Variants in POU6F2 observed in about 807,000 individuals in gnomAD.
The protein encoded by POU6F2 is POU class 6 homeobox 2.
In POU6F2, 31 loss-of-function variants were observed where a neutral mutation model predicts 71.3. The ratio of observed to expected loss-of-function variants is 0.43; its 90% CI spans 0.33 to 0.59. The LOEUF is 0.59. Among genes scored for constraint, POU6F2 ranks in the 20% least tolerant of loss-of-function variants. POU6F2 has a pLI of 0.04. For missense variants in POU6F2, 783 were observed against 856.8 expected, an observed-to-expected ratio of 0.91 and a Z score of 1.07; for synonymous variants, 347 against 355.7, an observed-to-expected ratio of 0.98 and a Z score of 0.27.
chr7:39,001,773 T>C (rs1276659916), intron 1 of POU6F2, among the ~76,000 whole-genome samples: 1 of 151,906 alleles, frequency 6.6e-6, no homozygotes, highest in Non-Finnish European at 1.5e-5. Context: ...TATGTGATGG[T>C]GATAGTGATG....
chr7:39,130,064 C>T (rs1302444458), intron 2 of POU6F2, among the ~76,000 whole-genome samples: 2 of 88,148 alleles, frequency 2.3e-5, no homozygotes, highest in African/African-American at 9.9e-5. Flanking sequence ...GAGACTCCAT[C>T]TCAAAAAAAA....
At chr7:39,015,300 AATAT>A (rs1473889223) in intron 1 of POU6F2, among the ~76,000 whole-genome samples, 1 of 125,462 alleles carries the variant, frequency 8.0e-6, no homozygotes, top group Non-Finnish European at 1.7e-5. Context: ...TATATCTATA[AATAT>A]CTATATATAA....
chr7:39,272,719 T>C (rs1784362963), intron 4 of POU6F2, among the ~76,000 whole-genome samples: 1 of 152,188 alleles, frequency 6.6e-6, no homozygotes, highest in South Asian at 2.1e-4. Flanking sequence ...GATTCTTAAG[T>C]ATATATTTTT....
intron 4 of POU6F2, among the ~76,000 whole-genome samples, chr7:39,258,701 T>A (rs1217944079): frequency 2.6e-4 from 38 of 145,140 alleles, no homozygotes; most frequent in African/African-American, 9.4e-4. Context: ...TCTAGATGTT[T>A]AAAAAAAAAA....
chr7:39,289,788 T>G (rs1784716950), intron 4 of POU6F2, among the ~76,000 whole-genome samples: 1 of 152,218 alleles, frequency 6.6e-6, no homozygotes, highest in Admixed American at 6.5e-5. Context: ...GCAGGTCATT[T>G]TCAGTCAGAG....
rs144456763 is a variant in POU6F2, at chr7:39,070,892, C to A, written c.106-14968C>A. On this transcript the variant is annotated intron_variant, in intron 1 of 9. Coordinates refer to ENST00000518318, the MANE Select transcript of POU6F2 (RefSeq NM_001370959.1). ...CACTGTAATTTTAGCTGCAAGAGGG[C>A]CCTGGACTTGATCTGTCTTGTTCAA... is the stretch of plus-strand genomic sequence containing the variant. Among the ~76,000 whole-genome samples, 498 of 152,258 alleles carry A rather than the reference C, an allele frequency of 3.3e-3. 2 individuals are homozygous for A. Among genetic ancestry groups the A allele is most frequent in the Non-Finnish European group, 6.2e-3 (420 of 68,010 alleles).
At chr7:39,327,811 C>G (rs1047119416) in intron 4 of POU6F2, among the ~76,000 whole-genome samples, 1 of 151,010 alleles carries the variant, frequency 6.6e-6, no homozygotes, top group South Asian at 2.1e-4. Flanking sequence ...TGGACCCCCC[C>G]GCCAATAATA....
At chr7:39,308,668 G>T (rs1360450230) in intron 4 of POU6F2, among the ~76,000 whole-genome samples, 1 of 152,160 alleles carries the variant, frequency 6.6e-6, no homozygotes, top group East Asian at 1.9e-4. Flanking sequence ...ATACCAGGCA[G>T]AAGAAGTAGA....
At chr7:39,156,450 T>C (rs938325316) in intron 2 of POU6F2, among the ~76,000 whole-genome samples, 2 of 152,168 alleles carry the variant, frequency 1.3e-5, no homozygotes, top group East Asian at 1.9e-4. Flanking sequence ...TTTAGATTAA[T>C]TGAGATAATA....
intron 4 of POU6F2, among the ~76,000 whole-genome samples, chr7:39,325,081 G>A (rs1378677996): frequency 6.6e-6 from 1 of 152,104 alleles, no homozygotes; most frequent in East Asian, 1.9e-4. Flanking sequence ...GTAACTTTTA[G>A]CATTAACACG....
At chr7:39,027,293 T>C (rs986479721) in intron 1 of POU6F2, among the ~76,000 whole-genome samples, 1 of 152,144 alleles carries the variant, frequency 6.6e-6, no homozygotes, top group Non-Finnish European at 1.5e-5. Context: ...CCCTCACCAT[T>C]ACTGTACATC....
chr7:39,125,710 G>T (rs781037709), intron 2 of POU6F2, among the ~76,000 whole-genome samples: 2 of 151,550 alleles, frequency 1.3e-5, no homozygotes, highest in Non-Finnish European at 2.9e-5. Context: ...TCTCTCACAC[G>T]AACACACAAA....
intron 2 of POU6F2, among the ~76,000 whole-genome samples, chr7:39,156,986 A>C (rs959791136): frequency 6.6e-6 from 1 of 152,164 alleles, no homozygotes; most frequent in Non-Finnish European, 1.5e-5. Context: ...TTTTGTTTCT[A>C]CTGCAAACAA....
chr7:39,227,403 G>T (rs1794488185), intron 4 of POU6F2, among the ~76,000 whole-genome samples: 1 of 152,050 alleles, frequency 6.6e-6, no homozygotes, highest in Non-Finnish European at 1.5e-5. Context: ...AACCAGAGTG[G>T]CAGCTTCCTA....
intron 2 of POU6F2, among the ~76,000 whole-genome samples, chr7:39,127,843 T>TA (rs1159491050): frequency 6.9e-6 from 1 of 145,248 alleles, no homozygotes; most frequent in African/African-American, 2.6e-5. Flanking sequence ...GGAATTTTTT[T>TA]TTTTTTTTTT....
intron 2 of POU6F2, among the ~76,000 whole-genome samples, chr7:39,187,884 C>T (rs989913353): frequency 3.3e-5 from 5 of 152,098 alleles, no homozygotes; most frequent in East Asian, 1.9e-4. Flanking sequence ...TTTCCATATG[C>T]CTGAGTTAAT....
At chr7:39,419,066 TATATACACAC>T (rs1433673496) in intron 6 of POU6F2, among the ~76,000 whole-genome samples, 1 of 144,926 alleles carries the variant, frequency 6.9e-6, no homozygotes, top group African/African-American at 2.5e-5. Flanking sequence ...TATATACACA[TATATACACAC>T]ATATATACGT....
chr7:39,414,460 G>A (rs1320164965), intron 6 of POU6F2, among the ~76,000 whole-genome samples: 2 of 152,206 alleles, frequency 1.3e-5, no homozygotes, highest in African/African-American at 4.8e-5. Flanking sequence ...GGAGGGGGCG[G>A]CTGTGGAGTG....
intron 5 of POU6F2, among the ~76,000 whole-genome samples, chr7:39,398,736 A>G (rs1414091754): frequency 6.6e-6 from 1 of 152,232 alleles, no homozygotes; most frequent in African/African-American, 2.4e-5. Flanking sequence ...TGAGGAGGAG[A>G]GAGGACTCAA....
Sources: allele counts gnomAD v4.1 joint callset (sites outside exome capture counted in the v4.1 genomes callset), GRCh38; gene constraint gnomAD v4.1.1; transcripts MANE v1.5; gene names NCBI Gene and HGNC (gene_info 2026-07-23, HGNC 2026-07-21).